ITCH: variants seen among roughly 807,000 people sequenced by gnomAD.
The protein encoded by ITCH is itchy E3 ubiquitin protein ligase, also known as E3 ubiquitin-protein ligase Itchy homolog.
Under a neutral mutation model 126.8 loss-of-function variants are expected in ITCH, and 28 were observed. The observed-to-expected ratio is 0.22, with a 90% CI of 0.16 to 0.30. ITCH has a LOEUF of 0.30. ITCH is among the 10% of genes least tolerant of loss of function. The pLI is 1.00. For synonymous variants in ITCH, 342 were observed against 340.0 expected (o/e 1.01, Z -0.06); for missense variants, 631 against 1,032.4 (o/e 0.61, Z 5.33).
intron 2 of ITCH, among the ~76,000 whole-genome samples, chr20:34,384,817 C>T (rs2146036888): frequency 6.6e-6 from 1 of 152,014 alleles, no homozygotes; most frequent in African/African-American, 2.4e-5. Flanking sequence ...CCCGCCACCA[C>T]ACCTGGCTAA....
chr20:34,388,056 T>C (rs542183716), intron 2 of ITCH, among the ~76,000 whole-genome samples: 1 of 152,122 alleles, frequency 6.6e-6, no homozygotes, highest in South Asian at 2.1e-4. Flanking sequence ...TGGTTTACAG[T>C]GCTAAGTAAA....
chr20:34,484,779 G>A (rs1267044482), intron 20 of ITCH, among the ~76,000 whole-genome samples: 1 of 152,156 alleles, frequency 6.6e-6, no homozygotes. Flanking sequence ...ATATATATCA[G>A]CCCAAATGTG....
intron 6 of ITCH, 83 bp from the exon 7 acceptor site, chr20:34,424,397 G>T (rs1264319002): frequency 1.0e-6 from 1 of 978,174 alleles, no homozygotes; most frequent in Non-Finnish European, 1.7e-6. Context: ...AAAAGGCTTT[G>T]CTTACATGGC....
At chr20:34,462,634 C>A (rs537589463) in intron 14 of ITCH, among the ~76,000 whole-genome samples, 1 of 152,240 alleles carries the variant, frequency 6.6e-6, no homozygotes, top group East Asian at 1.9e-4. Context: ...AAATATATAA[C>A]CTAAAGTTTC....
intron 3 of ITCH, among the ~76,000 whole-genome samples, chr20:34,406,957 T>A (rs1425807333): frequency 1.3e-5 from 2 of 151,964 alleles, no homozygotes; most frequent in African/African-American, 4.8e-5. Flanking sequence ...GGTGGTGGAG[T>A]AGATAACCTG....
intron 11 of ITCH, among the ~76,000 whole-genome samples, chr20:34,449,159 TG>T (rs1208845244): frequency 6.6e-6 from 1 of 152,196 alleles, no homozygotes; most frequent in African/African-American, 2.4e-5. Flanking sequence ...ATGGTCATTT[TG>T]GGGATGAGGA....
chr20:34,440,059 ATTTATCATCTGCCTT>A (rs1337597443), intron 8 of ITCH, 81 bp from the exon 9 acceptor site: 7 of 869,510 alleles, frequency 8.1e-6, no homozygotes, highest in African/African-American at 1.7e-5. Context: ...TAAGTTTTAT[ATTTATCATCTGCCTT>A]TTATTTTTTA....
intron 2 of ITCH, among the ~76,000 whole-genome samples, chr20:34,384,579 G>T (rs73255062): frequency 0.016 from 2,404 of 151,476 alleles, 59 homozygotes; most frequent in African/African-American, 0.056. Context: ...GTGCCCAGCT[G>T]CCTGTAATTC....
chr20:34,479,563 T>C (rs1988541212), intron 17 of ITCH, 67 bp from the exon 18 acceptor site: 1 of 1,349,322 alleles, frequency 7.4e-7, no homozygotes. Flanking sequence ...GAGAACTTTA[T>C]AGCACTGTTC....
chr20:34,463,808 T>C (rs1600404783), intron 14 of ITCH, among the ~76,000 whole-genome samples: 1 of 152,156 alleles, frequency 6.6e-6, no homozygotes, highest in Admixed American at 6.5e-5. Flanking sequence ...TTTTTTTTCT[T>C]TTGCGATTGA....
chr20:34,382,183 A>G (rs1257897105), intron 2 of ITCH, among the ~76,000 whole-genome samples: 1 of 152,196 alleles, frequency 6.6e-6, no homozygotes, highest in Non-Finnish European at 1.5e-5. Flanking sequence ...TCATAATCCT[A>G]GTTGTTTCCT....
chr20:34,380,858 G>A (rs1364067650), intron 2 of ITCH, among the ~76,000 whole-genome samples: 1 of 151,954 alleles, frequency 6.6e-6, no homozygotes, highest in African/African-American at 2.4e-5. Flanking sequence ...CACAATCGTG[G>A]CTCACTGTAA....
chr20:34,419,853 G>C (rs574444704), intron 6 of ITCH, among the ~76,000 whole-genome samples: 2 of 151,830 alleles, frequency 1.3e-5, no homozygotes, highest in South Asian at 4.2e-4. Flanking sequence ...TTTTACTGCT[G>C]CATAGTAATC....
chr20:34,398,484 C>T lies in ITCH; in HGVS notation c.70+4603C>T, dbSNP rs1206454955. ...CGTGATCTCGGCTCACCGCAACCTC[C>T]GCTTCCCAGATTCAAGCAATTCTCC... On this transcript the variant is annotated intron_variant, in intron 3 of 24. Transcript: ENST00000374864. Among the ~76,000 whole-genome samples the T allele has an allele frequency of 3.3e-5, 5 of 151,996 alleles. No individual in the cohort carries two copies. The East Asian group carries it at 7.7e-4, about 23-fold the overall frequency.
chr20:34,497,501 A>G (rs1185988016), intron 23 of ITCH, among the ~76,000 whole-genome samples: 1 of 152,204 alleles, frequency 6.6e-6, no homozygotes, highest in African/African-American at 2.4e-5. Flanking sequence ...TTGGCTATTC[A>G]GGATCCTTTG....
At chr20:34,479,499 T>G in intron 17 of ITCH, 131 bp from the exon 18 acceptor site, 1 of 730,132 alleles carries the variant, frequency 1.4e-6, no homozygotes, top group Non-Finnish European at 2.3e-6. Flanking sequence ...ACAGAAGCAA[T>G]AAAAATCAAC....
chr20:34,459,292 A>G (rs1274468106), intron 13 of ITCH, among the ~76,000 whole-genome samples: 1 of 152,186 alleles, frequency 6.6e-6, no homozygotes, highest in Non-Finnish European at 1.5e-5. Context: ...GTGGGACAGT[A>G]CACATTGAGG....
At chr20:34,430,463 T>A (rs1203355073) in intron 7 of ITCH, among the ~76,000 whole-genome samples, 3 of 152,010 alleles carry the variant, frequency 2.0e-5, no homozygotes, top group Non-Finnish European at 2.9e-5. Flanking sequence ...TTTAAAATAA[T>A]TTGATTTTGT....
chr20:34,497,456 AGTGTGATGC>A (rs1199524499), intron 23 of ITCH, among the ~76,000 whole-genome samples: 1 of 152,234 alleles, frequency 6.6e-6, no homozygotes, highest in Admixed American at 6.5e-5. Context: ...GAAGTCCAGT[AGTGTGATGC>A]CTCCAGCTTT....
Sources: gnomAD v4.1 joint callset for allele counts (sites outside exome capture counted in the v4.1 genomes callset) on GRCh38, gnomAD v4.1.1 for gene constraint, MANE v1.5 for transcripts, NCBI Gene and HGNC (gene_info 2026-07-23, HGNC 2026-07-21) for gene names.